CTNND2: variants seen among roughly 807,000 people sequenced by gnomAD.
The protein encoded by CTNND2 is catenin delta 2.
A neutral mutation model predicts 144.4 loss-of-function variants in CTNND2; 22 were observed. That is an observed-to-expected ratio of 0.15 (90% CI 0.11 to 0.22). The LOEUF (loss-of-function observed/expected upper bound fraction) is 0.22. CTNND2 is among the 10% of genes least tolerant of loss of function. The pLI is 1.00. For missense variants in CTNND2, 1,353 were observed against 1,618.8 expected (o/e 0.84, Z 2.82); for synonymous variants, 751 against 695.6 (o/e 1.08, Z -1.25).
chr5:11,831,982 C>G (rs925360087), intron 1 of CTNND2, among the ~76,000 whole-genome samples: 1 of 152,050 alleles, frequency 6.6e-6, no homozygotes, highest in Non-Finnish European at 1.5e-5. Flanking sequence ...AACAAAACTT[C>G]ATTAAAATAC....
intron 10 of CTNND2, among the ~76,000 whole-genome samples, chr5:11,204,389 T>C (rs1366066170): frequency 6.6e-6 from 1 of 152,244 alleles, no homozygotes; most frequent in African/African-American, 2.4e-5. Context: ...GTTTAAACTC[T>C]AGAACTGAGA....
At chr5:11,614,268 A>T (rs1780474718) in intron 2 of CTNND2, among the ~76,000 whole-genome samples, 1 of 152,204 alleles carries the variant, frequency 6.6e-6, no homozygotes, top group Admixed American at 6.5e-5. Flanking sequence ...TTTAATTTAC[A>T]AAGTTACATA....
At chr5:11,414,218 T>A (rs1320564872) in intron 3 of CTNND2, among the ~76,000 whole-genome samples, 1 of 152,080 alleles carries the variant, frequency 6.6e-6, no homozygotes, top group East Asian at 1.9e-4. Context: ...CCTGGAGTAT[T>A]TGTAGGGAAT....
At chr5:11,202,651 C>T (rs1737584441) in intron 10 of CTNND2, among the ~76,000 whole-genome samples, 1 of 152,138 alleles carries the variant, frequency 6.6e-6, no homozygotes, top group African/African-American at 2.4e-5. Context: ...GCAGCCTCCC[C>T]TCTCCCATCA....
intron 3 of CTNND2, among the ~76,000 whole-genome samples, chr5:11,429,179 T>TCTTTTTACTTTTTA (rs1324117173): frequency 6.6e-6 from 1 of 152,200 alleles, no homozygotes; most frequent in Non-Finnish European, 1.5e-5. Flanking sequence ...TTCAGAGTCA[T>TCTTTTTACTTTTTA]CTTTTTACTT....
At chr5:11,415,025 T>A (rs866362113) in intron 3 of CTNND2, among the ~76,000 whole-genome samples, 63 of 152,338 alleles carry the variant, frequency 4.1e-4, no homozygotes, top group African/African-American at 1.3e-3. Flanking sequence ...GTTGATTCCA[T>A]GTCTTTGCTA....
In CTNND2 at chr5:11,420,082, T is replaced by G. The variant is rs375781911; in HGVS notation, c.288-8013A>C. ...GCTCACACCTGTAATCCCACAAGTT[T>G]GGGAGGCCGAGGCGGGCGATCACAA... On this transcript the variant is annotated intron_variant, in intron 3 of 21. Transcript: ENST00000304623. Among the ~76,000 whole-genome samples the G allele has an allele frequency of 4.6e-5, 7 of 152,104 alleles. No homozygotes were observed. The East Asian group carries it at 5.8e-4, about 13-fold the overall frequency.
intron 11 of CTNND2, among the ~76,000 whole-genome samples, chr5:11,175,408 C>A (rs555785325): frequency 6.6e-6 from 1 of 152,148 alleles, no homozygotes; most frequent in African/African-American, 2.4e-5. Context: ...TCTTGTTTAT[C>A]GCTCTATTCT....
intron 14 of CTNND2, among the ~76,000 whole-genome samples, chr5:11,106,883 G>C (rs1752477485): frequency 6.6e-6 from 1 of 152,114 alleles, no homozygotes; most frequent in Non-Finnish European, 1.5e-5. Flanking sequence ...GGTCCTAAAG[G>C]AAAGGATACT....
At chr5:11,293,468 A>G (rs943717945) in intron 9 of CTNND2, among the ~76,000 whole-genome samples, 4 of 152,194 alleles carry the variant, frequency 2.6e-5, no homozygotes, top group Admixed American at 2.0e-4. Flanking sequence ...AAAATAAAAT[A>G]ACTCATAAAC....
intron 2 of CTNND2, among the ~76,000 whole-genome samples, chr5:11,643,514 C>T (rs906883336): frequency 1.5e-4 from 22 of 151,252 alleles, no homozygotes; most frequent in Non-Finnish European, 2.8e-4. Context: ...CGATAGTTTG[C>T]TGAGAATGAT....
chr5:11,441,276 T>C (rs910067757), intron 3 of CTNND2, among the ~76,000 whole-genome samples: 1 of 152,064 alleles, frequency 6.6e-6, no homozygotes, highest in South Asian at 2.1e-4. Flanking sequence ...CCGAACAGAG[T>C]TGATATAAAA....
chr5:11,597,490 G>A (rs1261554013), intron 2 of CTNND2, among the ~76,000 whole-genome samples: 2 of 151,972 alleles, frequency 1.3e-5, no homozygotes, highest in Non-Finnish European at 2.9e-5. Flanking sequence ...TTTATGTTAT[G>A]TTCTCTATTT....
chr5:11,297,111 A>G (rs1418186895), intron 9 of CTNND2, among the ~76,000 whole-genome samples: 1 of 152,270 alleles, frequency 6.6e-6, no homozygotes, highest in Non-Finnish European at 1.5e-5. Flanking sequence ...CAAGAAAGTC[A>G]GCCCAGTATG....
chr5:11,621,247 T>C (rs995357229), intron 2 of CTNND2, among the ~76,000 whole-genome samples: 1 of 152,226 alleles, frequency 6.6e-6, no homozygotes, highest in African/African-American at 2.4e-5. Flanking sequence ...ATGGATACAT[T>C]GGTGGATAAT....
At position 11,849,515 on chromosome 5, in the gene CTNND2, G is replaced by C. The variant is rs540029076; in HGVS notation, c.37+54302C>G. On this transcript the variant is annotated intron_variant, in intron 1 of 21. Transcript: ENST00000304623. ...AAGTTCATTTTCCATGGTTTGCAAA[G>C]GGAGTCCCAACTAATCAGGAAACTT... Among the ~76,000 whole-genome samples, 8 of 152,266 alleles carry C rather than the reference G, an allele frequency of 5.3e-5. No individual in the cohort carries two copies. In the South Asian group the frequency reaches 1.7e-3, roughly 32 times the overall value.
intron 11 of CTNND2, among the ~76,000 whole-genome samples, chr5:11,168,452 T>C (rs1454529044): frequency 6.6e-6 from 1 of 152,212 alleles, no homozygotes; most frequent in Non-Finnish European, 1.5e-5. Context: ...ATTTTATAAA[T>C]GAACCATAGA....
At chr5:11,268,489 C>A (rs1745675930) in intron 9 of CTNND2, among the ~76,000 whole-genome samples, 1 of 152,056 alleles carries the variant, frequency 6.6e-6, no homozygotes, top group South Asian at 2.1e-4. Context: ...GTGTTGGGGG[C>A]TGAGGCACGA....
chr5:11,107,590 T>C (rs1310647479), intron 14 of CTNND2, among the ~76,000 whole-genome samples: 1 of 152,262 alleles, frequency 6.6e-6, no homozygotes. Flanking sequence ...TCAAAAGTCC[T>C]GCTTCTCCAG....
Sources: allele counts gnomAD v4.1 joint callset (sites outside exome capture counted in the v4.1 genomes callset), GRCh38; gene constraint gnomAD v4.1.1; transcripts MANE v1.5; gene names NCBI Gene and HGNC (gene_info 2026-07-23, HGNC 2026-07-21).